Variants in GABRB1 observed in about 807,000 individuals in gnomAD.
GABRB1 encodes gamma-aminobutyric acid receptor subunit beta-1.
Under a neutral mutation model 51.6 loss-of-function variants are expected in GABRB1, and 17 were observed. That is an observed-to-expected ratio of 0.33 (90% CI 0.23 to 0.49). The LOEUF (loss-of-function observed/expected upper bound fraction) is 0.49, where lower values mean the gene tolerates loss of function less well. Ranked by LOEUF, GABRB1 falls within the 20% of genes least tolerant of loss-of-function variation. GABRB1 has a pLI of 0.99. For synonymous variants in GABRB1, 247 were observed against 218.9 expected (o/e 1.13, Z -1.14); for missense variants, 410 against 600.6 (o/e 0.68, Z 3.32).
intron 4 of GABRB1, among the ~76,000 whole-genome samples, chr4:47,259,170 T>C (rs1722330117): frequency 6.6e-6 from 1 of 152,046 alleles, no homozygotes; most frequent in African/African-American, 2.4e-5. Context: ...CCAGCATGCC[T>C]CTATGAATTC....
At chr4:47,004,727 A>G (rs554167657) in intron 1 of GABRB1, among the ~76,000 whole-genome samples, 1 of 151,896 alleles carries the variant, frequency 6.6e-6, no homozygotes, top group Non-Finnish European at 1.5e-5. Context: ...CAGATGACAC[A>G]GTCTCTTCGA....
chr4:47,177,452 GC>G (rs376883518), intron 4 of GABRB1, among the ~76,000 whole-genome samples: 20 of 152,206 alleles, frequency 1.3e-4, no homozygotes, highest in African/African-American at 4.6e-4. Flanking sequence ...ACACTGTGTT[GC>G]TTCCAGCAGA....
intron 3 of GABRB1, among the ~76,000 whole-genome samples, chr4:47,128,658 A>C (rs1477996743): frequency 6.6e-6 from 1 of 151,990 alleles, no homozygotes; most frequent in African/African-American, 2.4e-5. Flanking sequence ...TTATTTCTTC[A>C]TATTTCAGAG....
chr4:47,423,692 T>C (rs929081032), intron 8 of GABRB1, among the ~76,000 whole-genome samples: 2 of 152,196 alleles, frequency 1.3e-5, no homozygotes, highest in African/African-American at 4.8e-5. Context: ...TTGATTAACA[T>C]ACAAAGAGGA....
chr4:47,091,807 C>T (rs1054106476), intron 3 of GABRB1, among the ~76,000 whole-genome samples: 1 of 152,200 alleles, frequency 6.6e-6, no homozygotes, highest in African/African-American at 2.4e-5. Context: ...AGCCTCCTGG[C>T]ACTCCACGCC....
chr4:47,010,985 G>C (rs924340397), intron 1 of GABRB1, among the ~76,000 whole-genome samples: 2 of 152,022 alleles, frequency 1.3e-5, no homozygotes, highest in Admixed American at 1.3e-4. Context: ...GCCACTGACA[G>C]AGAGTCCTTC....
chr4:47,112,158 T>C (rs73247642), intron 3 of GABRB1, among the ~76,000 whole-genome samples: 5,437 of 151,764 alleles, frequency 0.036, 374 homozygotes, highest in East Asian at 0.16. Flanking sequence ...TTTTCTTGTT[T>C]GTTTGTTTTT....
intron 4 of GABRB1, among the ~76,000 whole-genome samples, chr4:47,277,656 T>A (rs551402841): frequency 9.4e-4 from 142 of 151,828 alleles, no homozygotes; most frequent in African/African-American, 2.8e-3. Context: ...ACAAAAAAAA[T>A]TTTTTAATAA....
chr4:47,246,080 C>CG (rs924274227), intron 4 of GABRB1, among the ~76,000 whole-genome samples: 4 of 149,328 alleles, frequency 2.7e-5, no homozygotes, highest in African/African-American at 9.8e-5. Context: ...ATTCTCCCCC[C>CG]CCAAGTCCCC....
intron 1 of GABRB1, among the ~76,000 whole-genome samples, chr4:47,005,287 G>A (rs757692682): frequency 2.9e-4 from 44 of 152,194 alleles, no homozygotes; most frequent in Non-Finnish European, 4.9e-4. Flanking sequence ...GCATGGTGGC[G>A]GGCGCCTGTA....
chr4:46,996,699 C>T (rs541783757), intron 1 of GABRB1, among the ~76,000 whole-genome samples: 2 of 152,280 alleles, frequency 1.3e-5, no homozygotes, highest in African/African-American at 4.8e-5. Context: ...TTATAAGCTT[C>T]CCCATTGCCA....
At chr4:47,326,205 T>A (rs773972818) in intron 5 of GABRB1, among the ~76,000 whole-genome samples, 3 of 152,186 alleles carry the variant, frequency 2.0e-5, no homozygotes, top group Non-Finnish European at 4.4e-5. Flanking sequence ...CCTGACATCA[T>A]CATGGCTTGA....
chr4:47,319,116 C>T (rs1468766480), intron 4 of GABRB1, among the ~76,000 whole-genome samples: 1 of 151,876 alleles, frequency 6.6e-6, no homozygotes, highest in Non-Finnish European at 1.5e-5. Context: ...TGTGGAAATG[C>T]CATAATTCAT....
At chr4:47,040,224 T>G (rs975443177) in intron 3 of GABRB1, among the ~76,000 whole-genome samples, 1 of 152,164 alleles carries the variant, frequency 6.6e-6, no homozygotes, top group Non-Finnish European at 1.5e-5. Flanking sequence ...ATGCAGAACA[T>G]CTGACAAAGT....
At chr4:47,416,600 C>T (rs1211303752) in intron 8 of GABRB1, among the ~76,000 whole-genome samples, 2 of 151,778 alleles carry the variant, frequency 1.3e-5, no homozygotes, top group Non-Finnish European at 2.9e-5. Context: ...TACAGGCGCC[C>T]GCCACCACAC....
intron 4 of GABRB1, among the ~76,000 whole-genome samples, chr4:47,234,668 G>T (rs1164785539): frequency 6.6e-6 from 1 of 152,018 alleles, no homozygotes; most frequent in East Asian, 1.9e-4. Context: ...TTAAATTTAA[G>T]TTACCCTAAT....
intron 3 of GABRB1, among the ~76,000 whole-genome samples, chr4:47,119,978 A>T (rs1379951836): frequency 2.0e-5 from 3 of 152,210 alleles, no homozygotes; most frequent in Admixed American, 1.3e-4. Context: ...TGCGAAATCA[A>T]AACAATGCAA....
intron 5 of GABRB1, among the ~76,000 whole-genome samples, chr4:47,341,661 ACT>A (rs1202784610): frequency 6.6e-6 from 1 of 152,012 alleles, no homozygotes; most frequent in Non-Finnish European, 1.5e-5. Context: ...AATTTTTAAA[ACT>A]CTGACCTTCT....
intron 4 of GABRB1, among the ~76,000 whole-genome samples, chr4:47,300,554 C>A (rs557880241): frequency 1.3e-5 from 2 of 152,084 alleles, no homozygotes; most frequent in African/African-American, 4.8e-5. Context: ...CAAGACACAG[C>A]CCCTTTATAT....
Sources: allele counts gnomAD v4.1 joint callset (sites outside exome capture counted in the v4.1 genomes callset), GRCh38; gene constraint gnomAD v4.1.1; transcripts MANE v1.5; gene names NCBI Gene and HGNC (gene_info 2026-07-23, HGNC 2026-07-21).